The following ZBBX variants were observed in gnomAD, a reference collection of about 807,000 sequenced individuals.
The protein encoded by ZBBX is zinc finger B-box domain-containing protein 1.
ZBBX carries 101 observed loss-of-function variants against 108.5 expected under a neutral mutation model. The observed-to-expected ratio is 0.93, with a 90% CI of 0.79 to 1.10. The LOEUF (loss-of-function observed/expected upper bound fraction) is 1.10, where lower values mean the gene tolerates loss of function less well. ZBBX is among the 50% of genes least tolerant of loss of function. The probability of loss-of-function intolerance (pLI) is 0.00; values close to 1 mark genes in which losing one functional copy is unlikely to be tolerated. For synonymous variants in ZBBX, 356 were observed against 323.4 expected (o/e 1.10, Z -1.08); for missense variants, 1,009 against 941.4 (o/e 1.07, Z -0.94).
the ZBBX span, among the ~76,000 whole-genome samples, chr3:167,229,520 G>A: frequency 3.9e-4 from 59 of 151,866 alleles, no homozygotes; most frequent in African/African-American, 1.3e-3. Flanking sequence ...ACTGACTATT[G>A]ATATAAATAA....
At chr3:167,283,163 G>A (rs765115208) in intron 19 of ZBBX, among the ~76,000 whole-genome samples, 16 of 152,158 alleles carry the variant, frequency 1.1e-4, no homozygotes, top group Non-Finnish European at 1.8e-4. Context: ...TCGCTACTTT[G>A]TCTTCACCTG....
At chr3:167,298,146 C>T (rs1020437573) in intron 18 of ZBBX, among the ~76,000 whole-genome samples, 159 bp downstream of exon 18, 3 of 152,018 alleles carry the variant, frequency 2.0e-5, no homozygotes, top group African/African-American at 4.8e-5. Context: ...TAGTTTCTCA[C>T]ATTCTGATAG....
At chr3:167,249,410 C>G (rs957007280) in intron 20 of ZBBX, among the ~76,000 whole-genome samples, 1 of 152,098 alleles carries the variant, frequency 6.6e-6, no homozygotes, top group African/African-American at 2.4e-5. Flanking sequence ...CAGGGGCAAC[C>G]CCAGCAGAGG....
At chr3:167,221,866 A>G in the ZBBX span, among the ~76,000 whole-genome samples, 1 of 152,040 alleles carries the variant, frequency 6.6e-6, no homozygotes, top group South Asian at 2.1e-4. Context: ...ACAATGAAAT[A>G]CCATCTCACC....
chr3:167,311,471 T>C (rs555809139), intron 16 of ZBBX, among the ~76,000 whole-genome samples: 32 of 152,096 alleles, frequency 2.1e-4, no homozygotes, highest in Non-Finnish European at 3.4e-4. Flanking sequence ...TTATACACTA[T>C]GAAAAATAGT....
At position 167,273,497 on chromosome 3, in the gene ZBBX, C is replaced by T. The variant is rs563142371; in HGVS notation, c.2254+8741G>A. Among the ~76,000 whole-genome samples, 10 of 152,266 alleles carry T rather than the reference C, an allele frequency of 6.6e-5. No individual in the cohort carries two copies. In the East Asian group the frequency reaches 9.7e-4, roughly 15 times the overall value. On this transcript the variant is annotated intron_variant, in intron 20 of 21. Transcript: ENST00000675490. The stretch of plus-strand genomic sequence containing the variant: ...TCAGCCCCCAAGGGCCATTCAGCTT[C>T]GGTCTTCTGCTCATTTCACCTCGTG...
At chr3:167,202,151 C>T in the ZBBX span, among the ~76,000 whole-genome samples, 1 of 152,018 alleles carries the variant, frequency 6.6e-6, no homozygotes, top group African/African-American at 2.4e-5. Flanking sequence ...TATCCAAGGT[C>T]ACACAGACTC....
rs1009250515 is a variant in ZBBX, at chr3:167,397,188, G to A, written c.-446+10538C>T. ...AAAATCTGACTCCTTTCTACAAAAT[G>A]CTTTCTCCTACATCTCATTTGTCTT... On this transcript the variant is annotated intron_variant, in intron 1 of 21. Coordinates refer to the ZBBX transcript ENST00000455345. 7.2e-5 allele frequency among the ~76,000 whole-genome samples: 8 copies of A among 111,272 alleles called. No individual in the cohort carries two copies. The East Asian group carries it at 2.0e-3, about 27-fold the overall frequency. 73.0% of individuals were successfully genotyped at this position (111,272 alleles called of 152,430 possible).
chr3:167,207,943 T>G, the ZBBX span, among the ~76,000 whole-genome samples: 65 of 152,284 alleles, frequency 4.3e-4, no homozygotes, highest in African/African-American at 1.2e-3. Context: ...TTGAATTGCC[T>G]ACACCACCCC....
chr3:167,315,858 G>C (rs1332145801), intron 14 of ZBBX, 29 bp from the exon 15 acceptor site: 1 of 1,400,220 alleles, frequency 7.1e-7, no homozygotes, highest in Non-Finnish European at 9.8e-7. Flanking sequence ...TATAATATTA[G>C]TAAGTTCATA....
At chr3:167,245,823 T>C (rs1042293407) in intron 20 of ZBBX, among the ~76,000 whole-genome samples, 2 of 152,242 alleles carry the variant, frequency 1.3e-5, no homozygotes, top group Non-Finnish European at 2.9e-5. Flanking sequence ...AAACTTCTTT[T>C]TTTTTTATAA....
In ZBBX at chr3:167,313,077, G is replaced by A. The variant is rs573229830; in HGVS notation, c.1417+897C>T. Among the ~76,000 whole-genome samples the A allele has an allele frequency of 8.5e-5, 13 of 152,148 alleles. No individual in the cohort carries two copies. In the South Asian group the frequency reaches 1.0e-3, roughly 12 times the overall value. On this transcript the variant is annotated intron_variant, in intron 16 of 21. Transcript: ENST00000675490. The stretch of plus-strand genomic sequence containing the variant: ...TGAAGTCTAAGCAAGTAAGTGAGAT[G>A]TTCAAGGTCAGACAGTGATTTAAAG...
intron 20 of ZBBX, among the ~76,000 whole-genome samples, chr3:167,280,327 T>C (rs1255367961): frequency 1.4e-5 from 2 of 145,754 alleles, no homozygotes; most frequent in African/African-American, 5.1e-5. Context: ...ACCTATAAAA[T>C]GGGAGAAAAT....
the ZBBX span, among the ~76,000 whole-genome samples, chr3:167,204,690 C>A: frequency 6.7e-6 from 1 of 150,134 alleles, no homozygotes; most frequent in South Asian, 2.1e-4. Context: ...TGAATAGTGC[C>A]GCAATAAACA....
chr3:167,327,830 C>T (rs950948096), intron 11 of ZBBX, 112 bp downstream of exon 11: 6 of 1,070,598 alleles, frequency 5.6e-6, no homozygotes, highest in Non-Finnish European at 7.7e-6. Flanking sequence ...AGGAGAATTA[C>T]TTGAACCCGG....
At chr3:167,289,562 C>T (rs938306289) in intron 18 of ZBBX, among the ~76,000 whole-genome samples, 1 of 152,236 alleles carries the variant, frequency 6.6e-6, no homozygotes, top group Non-Finnish European at 1.5e-5. Flanking sequence ...AACTTGCACT[C>T]TGGCTCGGAT....
At chr3:167,405,487 A>G (rs888393554) in intron 1 of ZBBX, among the ~76,000 whole-genome samples, 1 of 152,220 alleles carries the variant, frequency 6.6e-6, no homozygotes, top group South Asian at 2.1e-4. Flanking sequence ...GTGAAGACTT[A>G]AGCAGTCATT....
At chr3:167,322,554 A>G (rs1355720603) in intron 11 of ZBBX, among the ~76,000 whole-genome samples, 2 of 152,066 alleles carry the variant, frequency 1.3e-5, no homozygotes, top group Non-Finnish European at 2.9e-5. Context: ...AAACACATAC[A>G]TAAAGGTATA....
chr3:167,323,236 A>AG (rs1491589310), intron 11 of ZBBX, among the ~76,000 whole-genome samples: 164 of 22,958 alleles, frequency 7.1e-3, no homozygotes, highest in East Asian at 0.045. Flanking sequence ...GAGAGCTAAA[A>AG]GAGGGGGGGG....
Sources: allele counts gnomAD v4.1 joint callset (sites outside exome capture counted in the v4.1 genomes callset), GRCh38; gene constraint gnomAD v4.1.1; transcripts MANE v1.5; gene names NCBI Gene and HGNC (gene_info 2026-07-23, HGNC 2026-07-21).